RPS6KC1: variants seen among roughly 807,000 people sequenced by gnomAD.
The protein encoded by RPS6KC1 is inactive ribosomal protein S6 kinase delta-1.
A neutral mutation model predicts 103.8 loss-of-function variants in RPS6KC1; 54 were observed. The observed-to-expected ratio is 0.52, with a 90% CI of 0.42 to 0.65. RPS6KC1 has a LOEUF of 0.65. RPS6KC1 is among the 30% of genes least tolerant of loss of function. RPS6KC1 has a pLI of 0.00. For synonymous variants in RPS6KC1, 439 were observed against 438.7 expected, an observed-to-expected ratio of 1.00 and a Z score of -0.01; for missense variants, 1,151 against 1,253.8, an observed-to-expected ratio of 0.92 and a Z score of 1.24.
the RPS6KC1 span, among the ~76,000 whole-genome samples, chr1:213,788,840 A>C: frequency 6.6e-6 from 1 of 152,180 alleles, no homozygotes; most frequent in East Asian, 1.9e-4. Flanking sequence ...TTGTATGGAT[A>C]ATCTCTAAGC....
intron 6 of RPS6KC1, among the ~76,000 whole-genome samples, chr1:213,146,468 G>A (rs1408170229): frequency 6.6e-6 from 1 of 150,376 alleles, no homozygotes; most frequent in Non-Finnish European, 1.5e-5. Flanking sequence ...TGTCGCCCAG[G>A]CAGGAGTGCA....
intron 6 of RPS6KC1, among the ~76,000 whole-genome samples, chr1:213,141,416 G>A (rs77684913): frequency 0.045 from 6,775 of 151,924 alleles, 253 homozygotes; most frequent in African/African-American, 0.096. Flanking sequence ...TAGAGGTGTT[G>A]GTAATAGTCT....
intron 8 of RPS6KC1, among the ~76,000 whole-genome samples, chr1:213,200,949 AC>A (rs138147847): frequency 0.011 from 1,746 of 152,250 alleles, 33 homozygotes; most frequent in African/African-American, 0.04. Context: ...GAGAGGAACT[AC>A]AGACACTGGG....
chr1:213,849,736 T>C, the RPS6KC1 span, among the ~76,000 whole-genome samples: 11 of 152,206 alleles, frequency 7.2e-5, no homozygotes, highest in African/African-American at 2.7e-4. Flanking sequence ...GTTTTACTTT[T>C]CATGAATACA....
At chr1:213,071,077 G>C in intron 2 of RPS6KC1, 36 bp downstream of exon 2, 1 of 1,320,128 alleles carries the variant, frequency 7.6e-7, no homozygotes, top group Non-Finnish European at 1.0e-6. Context: ...TTATGTATTT[G>C]ATAAAAATTT....
intron 1 of RPS6KC1, among the ~76,000 whole-genome samples, chr1:213,053,907 G>T (rs1000150989): frequency 6.6e-6 from 1 of 151,660 alleles, no homozygotes. Context: ...CGCTATCTCA[G>T]CTTACAGTAA....
chr1:213,589,811 G>C, the RPS6KC1 span, among the ~76,000 whole-genome samples: 17 of 152,172 alleles, frequency 1.1e-4, no homozygotes, highest in Admixed American at 9.2e-4. Flanking sequence ...TGAAGAACAG[G>C]AATTGGTCCT....
At chr1:213,146,754 G>A (rs1266890122) in intron 6 of RPS6KC1, among the ~76,000 whole-genome samples, 1 of 151,812 alleles carries the variant, frequency 6.6e-6, no homozygotes, top group African/African-American at 2.4e-5. Context: ...TTTTTTTGAG[G>A]AACCTCCAAA....
intron 6 of RPS6KC1, among the ~76,000 whole-genome samples, chr1:213,149,159 GTTCA>G (rs2088277131): frequency 6.6e-6 from 1 of 151,568 alleles, no homozygotes; most frequent in South Asian, 2.1e-4. Flanking sequence ...TTTCATTTCA[GTTCA>G]TTCATTGCTA....
the RPS6KC1 span, among the ~76,000 whole-genome samples, chr1:213,767,942 T>C: frequency 6.6e-6 from 1 of 152,188 alleles, no homozygotes; most frequent in Non-Finnish European, 1.5e-5. Context: ...ACAGGTCACT[T>C]GCAGGAAAAA....
At chr1:213,452,224 T>A in the RPS6KC1 span, among the ~76,000 whole-genome samples, 2 of 152,074 alleles carry the variant, frequency 1.3e-5, no homozygotes, top group Non-Finnish European at 2.9e-5. Flanking sequence ...AATCATGAGC[T>A]AATTTACAAA....
At chr1:213,835,822 CTA>C in the RPS6KC1 span, 1 of 152,120 alleles carries the variant, frequency 6.6e-6, no homozygotes, top group Non-Finnish European at 1.5e-5. Context: ...GATGAAGAGT[CTA>C]TGAGCTCTTC....
chr1:213,512,991 C>T, the RPS6KC1 span, among the ~76,000 whole-genome samples: 1 of 152,152 alleles, frequency 6.6e-6, no homozygotes, highest in Non-Finnish European at 1.5e-5. Context: ...TGAGCATGTC[C>T]TAATCCCTGG....
chr1:213,240,318 G>A (rs2094322196), intron 10 of RPS6KC1, among the ~76,000 whole-genome samples: 1 of 151,976 alleles, frequency 6.6e-6, no homozygotes, highest in South Asian at 2.1e-4. Context: ...TGACCAAGGG[G>A]CCATGCGTGA....
the RPS6KC1 span, among the ~76,000 whole-genome samples, chr1:213,784,672 T>C: frequency 6.6e-6 from 1 of 152,304 alleles, no homozygotes; most frequent in South Asian, 2.1e-4. Flanking sequence ...CCCACATCTC[T>C]ATGGTAGATC....
At chr1:213,147,776 T>G (rs141148003) in intron 6 of RPS6KC1, among the ~76,000 whole-genome samples, 1 of 152,346 alleles carries the variant, frequency 6.6e-6, no homozygotes, top group Non-Finnish European at 1.5e-5. Context: ...ATCTGTAGAT[T>G]GCTGTGGGTC....
chr1:213,734,195 C>T, the RPS6KC1 span, among the ~76,000 whole-genome samples: 1 of 152,176 alleles, frequency 6.6e-6, no homozygotes, highest in South Asian at 2.1e-4. Context: ...AGCCCAGATC[C>T]TTTTCTTAGG....
At chr1:213,751,938 G>A in the RPS6KC1 span, among the ~76,000 whole-genome samples, 4 of 152,168 alleles carry the variant, frequency 2.6e-5, no homozygotes, top group African/African-American at 7.2e-5. Flanking sequence ...TCAAATCCCA[G>A]CACTACCCTT....
At chr1:213,094,996 A>G (rs2081322251) in intron 3 of RPS6KC1, among the ~76,000 whole-genome samples, 1 of 152,216 alleles carries the variant, frequency 6.6e-6, no homozygotes, top group South Asian at 2.1e-4. Context: ...TAGAATTAGA[A>G]TTGAGAGAAT....
Sources: allele counts gnomAD v4.1 joint callset (sites outside exome capture counted in the v4.1 genomes callset), GRCh38; gene constraint gnomAD v4.1.1; transcripts MANE v1.5; gene names NCBI Gene and HGNC (gene_info 2026-07-23, HGNC 2026-07-21).